The following PTPRK variants were observed in gnomAD, a reference collection of about 807,000 sequenced individuals.
PTPRK encodes receptor-type tyrosine-protein phosphatase kappa.
PTPRK carries 75 observed loss-of-function variants against 178.0 expected under a neutral mutation model. That is an observed-to-expected ratio of 0.42 (90% CI 0.35 to 0.51). The LOEUF (loss-of-function observed/expected upper bound fraction) is 0.51. Among genes scored for constraint, PTPRK ranks in the 20% least tolerant of loss-of-function variants. The pLI is 0.02. For synonymous variants in PTPRK, 637 were observed against 620.6 expected, an observed-to-expected ratio of 1.03 and a Z score of -0.39; for missense variants, 1,441 against 1,797.8, an observed-to-expected ratio of 0.80 and a Z score of 3.59.
chr6:128,329,837 C>T (rs1830037347), intron 2 of PTPRK, among the ~76,000 whole-genome samples: 1 of 152,110 alleles, frequency 6.6e-6, no homozygotes, highest in Non-Finnish European at 1.5e-5. Flanking sequence ...GGCACCCTAT[C>T]GCTGAGTCTA....
At chr6:128,302,189 C>T (rs934342792) in intron 3 of PTPRK, among the ~76,000 whole-genome samples, 1 of 151,786 alleles carries the variant, frequency 6.6e-6, no homozygotes, top group Non-Finnish European at 1.5e-5. Context: ...GAGATGGAGA[C>T]CATCCTGCCT....
intron 29 of PTPRK, among the ~76,000 whole-genome samples, chr6:127,971,089 A>G (rs1773847349): frequency 6.6e-6 from 1 of 152,170 alleles, no homozygotes; most frequent in Non-Finnish European, 1.5e-5. Flanking sequence ...TTAAATTTTG[A>G]GCCTACTTAT....
At chr6:128,259,332 G>C (rs1462731419) in intron 3 of PTPRK, among the ~76,000 whole-genome samples, 1 of 152,122 alleles carries the variant, frequency 6.6e-6, no homozygotes, top group Non-Finnish European at 1.5e-5. Context: ...CTAAGAGTGA[G>C]AAATTGTCAG....
intron 1 of PTPRK, among the ~76,000 whole-genome samples, chr6:128,472,300 C>T (rs1048361702): frequency 6.6e-6 from 1 of 151,986 alleles, no homozygotes; most frequent in Non-Finnish European, 1.5e-5. Flanking sequence ...TTCGTTATGT[C>T]ACAGGTGGTG....
chr6:128,415,517 A>AC (rs1423542069), intron 1 of PTPRK, among the ~76,000 whole-genome samples: 2 of 151,816 alleles, frequency 1.3e-5, no homozygotes, highest in African/African-American at 4.8e-5. Flanking sequence ...AAAAAAAAAA[A>AC]AAATTATTCT....
chr6:128,113,916 T>C (rs960515327), intron 7 of PTPRK, among the ~76,000 whole-genome samples: 7 of 152,156 alleles, frequency 4.6e-5, no homozygotes, highest in Non-Finnish European at 7.4e-5. Context: ...CTTTATGGTA[T>C]CCAACAGTGT....
intron 1 of PTPRK, among the ~76,000 whole-genome samples, chr6:128,490,134 T>C (rs17055911): frequency 0.031 from 4,699 of 152,274 alleles, 160 homozygotes; most frequent in African/African-American, 0.084. Context: ...TTCTTCTTCC[T>C]GTCCTTTCAC....
At chr6:128,488,443 G>A (rs1389719918) in intron 1 of PTPRK, among the ~76,000 whole-genome samples, 1 of 152,132 alleles carries the variant, frequency 6.6e-6, no homozygotes, top group Non-Finnish European at 1.5e-5. Flanking sequence ...GTTGCCACTA[G>A]ATATTAACCA....
chr6:128,439,759 G>T (rs898981841), intron 1 of PTPRK, among the ~76,000 whole-genome samples: 1 of 152,128 alleles, frequency 6.6e-6, no homozygotes, highest in Admixed American at 6.6e-5. Context: ...CATCTGAATG[G>T]TTCCCAGAGT....
intron 1 of PTPRK, among the ~76,000 whole-genome samples, chr6:128,492,449 A>G (rs76068602): frequency 0.014 from 2,103 of 152,320 alleles, 26 homozygotes; most frequent in Non-Finnish European, 0.019. Flanking sequence ...TAACTATCCA[A>G]AAATGAAAAT....
At chr6:128,228,357 T>A (rs908932044) in intron 5 of PTPRK, among the ~76,000 whole-genome samples, 3 of 151,756 alleles carry the variant, frequency 2.0e-5, no homozygotes, top group Non-Finnish European at 4.4e-5. Context: ...CATAGTTTTT[T>A]AAAAAACTTC....
At chr6:128,320,262 A>AAC (rs1476180661) in intron 3 of PTPRK, among the ~76,000 whole-genome samples, 9 of 152,212 alleles carry the variant, frequency 5.9e-5, no homozygotes, top group Admixed American at 6.6e-5. Context: ...TAGTAGAATT[A>AAC]ACACCACAGT....
At chr6:128,243,488 TAAAA>T (rs760606919) in intron 3 of PTPRK, among the ~76,000 whole-genome samples, 16 of 59,130 alleles carry the variant, frequency 2.7e-4, no homozygotes, top group African/African-American at 5.7e-4. Context: ...AGCCTGTCGC[TAAAA>T]AAAAAAAAAA....
At chr6:128,185,706 A>G (rs1180071992) in intron 6 of PTPRK, among the ~76,000 whole-genome samples, 2 of 152,144 alleles carry the variant, frequency 1.3e-5, no homozygotes, top group African/African-American at 4.8e-5. Flanking sequence ...AATCACATAA[A>G]CTATTAAAAC....
At chr6:128,331,626 A>C (rs1830291445) in intron 2 of PTPRK, among the ~76,000 whole-genome samples, 1 of 152,160 alleles carries the variant, frequency 6.6e-6, no homozygotes, top group Non-Finnish European at 1.5e-5. Flanking sequence ...GAGCTTTTAC[A>C]TTCTATTACT....
chr6:128,163,082 G>A (rs943780111), intron 7 of PTPRK, among the ~76,000 whole-genome samples: 3 of 151,176 alleles, frequency 2.0e-5, no homozygotes, highest in African/African-American at 7.3e-5. Context: ...ATTTGTAAAT[G>A]CAGTTATCAT....
At chr6:128,075,790 A>T (rs1261440290) in intron 11 of PTPRK, among the ~76,000 whole-genome samples, 3 of 152,080 alleles carry the variant, frequency 2.0e-5, no homozygotes, top group Non-Finnish European at 4.4e-5. Flanking sequence ...AGAGGACTGT[A>T]GAACTGGAGT....
chr6:128,512,374 C>T (rs1857321672), intron 1 of PTPRK, among the ~76,000 whole-genome samples: 1 of 152,122 alleles, frequency 6.6e-6, no homozygotes, highest in African/African-American at 2.4e-5. Context: ...CATGATACAG[C>T]CAACTGTAAT....
At chr6:128,417,664 T>A (rs1842994067) in intron 1 of PTPRK, among the ~76,000 whole-genome samples, 1 of 152,212 alleles carries the variant, frequency 6.6e-6, no homozygotes, top group African/African-American at 2.4e-5. Context: ...GCCTTCCATT[T>A]TGATTTGCTT....
Sources: allele counts gnomAD v4.1 joint callset (sites outside exome capture counted in the v4.1 genomes callset), GRCh38; gene constraint gnomAD v4.1.1; transcripts MANE v1.5; gene names NCBI Gene and HGNC (gene_info 2026-07-23, HGNC 2026-07-21).